ZNF398: variants seen among roughly 807,000 people sequenced by gnomAD.
ZNF398 encodes the protein zinc finger protein 398, also known as zinc finger DNA binding protein ZER6.
A neutral mutation model predicts 41.9 loss-of-function variants in ZNF398; 18 were observed. The ratio of observed to expected loss-of-function variants is 0.43; its 90% CI spans 0.30 to 0.64. The LOEUF (loss-of-function observed/expected upper bound fraction) is 0.64, where lower values mean the gene tolerates loss of function less well. Ranked by LOEUF, ZNF398 falls within the 30% of genes least tolerant of loss-of-function variation. The probability of loss-of-function intolerance (pLI) is 0.14; values close to 1 mark genes in which losing one functional copy is unlikely to be tolerated. For synonymous variants in ZNF398, 260 were observed against 308.8 expected (o/e 0.84, Z 1.66); for missense variants, 669 against 822.8 (o/e 0.81, Z 2.29).
intron 2 of ZNF398, among the ~76,000 whole-genome samples, chr7:149,159,719 A>C (rs1411772282): frequency 2.0e-5 from 3 of 151,632 alleles, no homozygotes; most frequent in Non-Finnish European, 2.9e-5. Context: ...TTTCCTCAAA[A>C]AAAAAAAAAA....
At chr7:149,162,904 C>T (rs759954176) in intron 2 of ZNF398, among the ~76,000 whole-genome samples, 6 of 149,220 alleles carry the variant, frequency 4.0e-5, no homozygotes, top group Admixed American at 2.7e-4. Context: ...GGGAGGGGGG[C>T]GGCGGAGGTT....
Position 149,147,895 on chromosome 7 carries a change from C to T in ZNF398, c.24+129C>T, listed in dbSNP as rs1460459868. On this transcript the variant is annotated intron_variant, in intron 1 of 5. Coordinates refer to ENST00000475153, the MANE Select transcript of ZNF398 (RefSeq NM_170686.3). This position sits in a 1 kb window ranked among gnomAD's most constrained non-coding sequence, Gnocchi z 5.6. ...TCCCGCCGGCCACGTCGCCTGTCGC[C>T]CGTGCTTGGCGGCTGCAGCCTCGCG... The T allele has an allele frequency of 4.4e-5, 50 of 1,137,178 alleles. No individual in the cohort carries two copies. The highest frequency in any genetic ancestry group is 5.3e-5 in the Non-Finnish European group (47 of 887,798). The allele number at this position is 1,137,178 out of a possible 1,614,324, so 70.4% of individuals were successfully genotyped here.
intron 2 of ZNF398, among the ~76,000 whole-genome samples, chr7:149,157,551 C>T (rs904552741): frequency 3.2e-5 from 4 of 126,814 alleles, no homozygotes; most frequent in African/African-American, 6.0e-5. Context: ...AAAGAAAATC[C>T]AGGACCAGCA....
chr7:149,149,365 C>CTGGGACTACAGGCAG (rs1470669551), intron 1 of ZNF398, among the ~76,000 whole-genome samples: 2 of 152,028 alleles, frequency 1.3e-5, no homozygotes, highest in African/African-American at 4.8e-5. Context: ...TCCCGAGTAG[C>CTGGGACTACAGGCAG]TGGGACTACA....
At chr7:149,177,939 A>G (rs1795495404) in intron 5 of ZNF398, among the ~76,000 whole-genome samples, 1 of 151,132 alleles carries the variant, frequency 6.6e-6, no homozygotes, top group African/African-American at 2.4e-5. Context: ...ACTTGACACC[A>G]GGAGTTCGAG....
At chr7:149,146,951 A>AC (rs1458882983), upstream of ZNF398, among the ~76,000 whole-genome samples, 4 of 152,320 alleles carry the variant, frequency 2.6e-5, no homozygotes, top group East Asian at 7.7e-4. Context: ...ATTGATCCCA[A>AC]CACAGGCCGC....
At chr7:149,140,567 A>G (rs1429489491) in intron 2 of ZNF398, among the ~76,000 whole-genome samples, 4 of 152,122 alleles carry the variant, frequency 2.6e-5, no homozygotes, top group African/African-American at 4.8e-5. Context: ...TATTTTTAGT[A>G]GAGACGGGGT....
chr7:149,156,951 A>G (rs1331450265), intron 2 of ZNF398, among the ~76,000 whole-genome samples: 1 of 152,108 alleles, frequency 6.6e-6, no homozygotes, highest in African/African-American at 2.4e-5. Flanking sequence ...TTTAAGGCAT[A>G]TGAGTCTCAG....
chr7:149,166,027 C>T (rs1213778718), intron 2 of ZNF398, 131 bp from the exon 3 acceptor site: 6 of 1,047,612 alleles, frequency 5.7e-6, no homozygotes, highest in Non-Finnish European at 8.3e-6. Context: ...GAAACCATTT[C>T]AGAGATATTT....
intron 1 of ZNF398, among the ~76,000 whole-genome samples, chr7:149,150,029 A>G (rs1563157258): frequency 6.6e-6 from 1 of 152,164 alleles, no homozygotes; most frequent in Admixed American, 6.6e-5. Flanking sequence ...AGAAAGGAAC[A>G]ACCTACCCAA....
At chr7:149,152,179 A>G (rs1585516532) in intron 1 of ZNF398, among the ~76,000 whole-genome samples, 1 of 151,698 alleles carries the variant, frequency 6.6e-6, no homozygotes, top group South Asian at 2.1e-4. Context: ...GCACCACTGT[A>G]CTCCAGCCTG....
chr7:149,166,212 A>T lies in ZNF398; in HGVS notation c.475A>T (p.Lys159Ter). The change falls in exon 3 of 6, where the codon AAA (lysine) becomes TAA (stop). Residue 159 changes from lysine to a stop codon, truncating the protein, a stop_gained. Transcript: ENST00000475153. LOFTEE classifies it high-confidence loss of function. ...CTACTTTTCCACTCCAGAGTGGGAA[A>T]AATTAGAAGAATGGCAAAAGGAACT... ...SIYFSTPEWE[K>*]LEEWQKELYK... 1 of 1,614,172 alleles carries T rather than the reference A, an allele frequency of 6.2e-7. No individual in the cohort carries two copies. The highest frequency in any genetic ancestry group is 8.5e-7 in the Non-Finnish European group (1 of 1,180,024).
chr7:149,143,845 C>T (rs1395290946), upstream of ZNF398, among the ~76,000 whole-genome samples: 1 of 152,012 alleles, frequency 6.6e-6, no homozygotes, highest in African/African-American at 2.4e-5. Flanking sequence ...CCAAAAAAGC[C>T]AATTAAATTG....
chr7:149,155,734 T>TTTTTA (rs1794961875), intron 2 of ZNF398, among the ~76,000 whole-genome samples: 1 of 110,654 alleles, frequency 9.0e-6, no homozygotes, highest in Non-Finnish European at 1.7e-5. Flanking sequence ...TTTTTTAATT[T>TTTTTA]TTTTTTTTTT....
intron 2 of ZNF398, among the ~76,000 whole-genome samples, chr7:149,159,695 G>A (rs1354402162): frequency 6.6e-6 from 1 of 151,384 alleles, no homozygotes; most frequent in African/African-American, 2.4e-5. Context: ...CCAAGTTCCA[G>A]GTCCAAAATA....
chr7:149,157,466 C>T lies in ZNF398; in HGVS notation c.420+3126C>T, dbSNP rs182807432. On this transcript the variant is annotated intron_variant, in intron 2 of 5. Coordinates refer to ENST00000475153, the MANE Select transcript of ZNF398 (RefSeq NM_170686.3). ...AGGAGAATGGCATGAACCCGGGAGG[C>T]GGAGCTTGCAGTGAGCCAAGATGGC... 2.3e-4 allele frequency among the ~76,000 whole-genome samples: 35 copies of T among 149,266 alleles called. No homozygotes were observed. In the East Asian group the frequency reaches 6.6e-3, roughly 28 times the overall value.
In ZNF398 at chr7:149,168,142, G is replaced by A. The variant is rs555322419; in HGVS notation, c.661+1212G>A. The stretch of plus-strand genomic sequence containing the variant: ...CGCCCAGGCTGGAATGCAGTGGTGC[G>A]ATCTTGGCTCACTGCAACCTCCACC... On this transcript the variant is annotated intron_variant, in intron 4 of 5. Transcript: ENST00000475153. Among the ~76,000 whole-genome samples the A allele has an allele frequency of 1.1e-4, 16 of 151,984 alleles. No homozygotes were observed. The East Asian group carries it at 2.3e-3, about 22-fold the overall frequency.
At chr7:149,148,283 G>A (rs1827012288) in intron 1 of ZNF398, 1 of 205,952 alleles carries the variant, frequency 4.9e-6, no homozygotes, top group Non-Finnish European at 8.5e-6. Context: ...CCGAATGAAT[G>A]GTGCGGACCC....
At chr7:149,154,943 C>A (rs146827344) in intron 2 of ZNF398, among the ~76,000 whole-genome samples, 97 of 149,122 alleles carry the variant, frequency 6.5e-4, no homozygotes, top group African/African-American at 2.1e-3. Flanking sequence ...GAGTCGAGAT[C>A]ATGCCACTGC....
Sources: allele counts gnomAD v4.1 joint callset (sites outside exome capture counted in the v4.1 genomes callset), GRCh38; gene constraint gnomAD v4.1.1; non-coding constraint Gnocchi (gnomAD v3.1); transcripts MANE v1.5; gene names NCBI Gene and HGNC (gene_info 2026-07-23, HGNC 2026-07-21).